The following PDE11A variants were observed in gnomAD, a reference collection of about 807,000 sequenced individuals.
The protein encoded by PDE11A is phosphodiesterase 11A.
In PDE11A, 100 loss-of-function variants were observed where a neutral mutation model predicts 100.5. That is an observed-to-expected ratio of 1.00 (90% confidence interval 0.85 to 1.18). The LOEUF (loss-of-function observed/expected upper bound fraction) is 1.18, where lower values mean the gene tolerates loss of function less well. PDE11A is among the 50% of genes most tolerant of loss of function. PDE11A has a pLI of 0.00. For synonymous variants in PDE11A, 381 were observed against 420.8 expected (o/e 0.91, Z 1.16); for missense variants, 1,141 against 1,152.6 (o/e 0.99, Z 0.15).
In PDE11A at chr2:177,864,830, G is replaced by T. The variant is rs16865855; in HGVS notation, c.1367+11029C>A. On this transcript the variant is annotated intron_variant, in intron 5 of 19. Transcript: ENST00000286063. Reference sequence around the variant, plus strand: ...TGCTTGTTTTGTACACACGAGGGATGCCATAAACAAAATGAGTTCCCTTTT... The same window carrying T: ...TGCTTGTTTTGTACACACGAGGGATTCCATAAACAAAATGAGTTCCCTTTT... Among the ~76,000 whole-genome samples the T allele has an allele frequency of 7.6e-4, 116 of 152,268 alleles. 3 individuals are homozygous for T. In the East Asian group the frequency reaches 0.018, roughly 23 times the overall value.
chr2:177,887,519 T>G (rs930452404), intron 4 of PDE11A, among the ~76,000 whole-genome samples: 1 of 152,098 alleles, frequency 6.6e-6, no homozygotes, highest in Non-Finnish European at 1.5e-5. Flanking sequence ...ATCCCAACAC[T>G]TTGGGAGGCC....
intron 2 of PDE11A, among the ~76,000 whole-genome samples, chr2:177,941,527 T>C (rs1259869331): frequency 1.3e-5 from 2 of 152,090 alleles, no homozygotes; most frequent in Non-Finnish European, 2.9e-5. Flanking sequence ...CCTGACAGGG[T>C]AATTTAAAAA....
chr2:177,870,535 T>C (rs2084112932), intron 5 of PDE11A, among the ~76,000 whole-genome samples: 2 of 152,190 alleles, frequency 1.3e-5, no homozygotes, highest in Admixed American at 1.3e-4. Context: ...ACATGTTAAG[T>C]GTGAGAAAAA....
chr2:177,648,201 T>C (rs1267671184), intron 19 of PDE11A, among the ~76,000 whole-genome samples: 1 of 152,170 alleles, frequency 6.6e-6, no homozygotes, highest in Non-Finnish European at 1.5e-5. Context: ...GAGGATATTG[T>C]ATCATTAGCT....
chr2:177,762,350 T>C (rs1327696661), intron 10 of PDE11A, among the ~76,000 whole-genome samples: 1 of 152,192 alleles, frequency 6.6e-6, no homozygotes, highest in Non-Finnish European at 1.5e-5. Flanking sequence ...GTGTTCTTCA[T>C]TTCCTGGCGT....
chr2:177,827,417 C>T (rs2083242846), intron 6 of PDE11A, among the ~76,000 whole-genome samples: 1 of 152,190 alleles, frequency 6.6e-6, no homozygotes, highest in Admixed American at 6.5e-5. Flanking sequence ...AAGGCCTGCC[C>T]TACTTTTTAG....
chr2:178,055,228 T>C (rs1347468774), intron 1 of PDE11A, among the ~76,000 whole-genome samples: 2 of 151,998 alleles, frequency 1.3e-5, no homozygotes, highest in Non-Finnish European at 2.9e-5. Context: ...ACCATCATTG[T>C]GAGCAAACTA....
chr2:177,717,296 G>T (rs2081453280), intron 12 of PDE11A, among the ~76,000 whole-genome samples: 1 of 151,778 alleles, frequency 6.6e-6, no homozygotes, highest in Non-Finnish European at 1.5e-5. Flanking sequence ...GTGTCCTTTT[G>T]CCCCTCCCCC....
chr2:177,888,512 T>C (rs1045301700), intron 4 of PDE11A: 2 of 153,296 alleles, frequency 1.3e-5, no homozygotes, highest in Non-Finnish European at 2.9e-5. Context: ...AATGCCATTA[T>C]AGCTAAAGGT....
At chr2:177,721,026 G>C (rs528723982) in intron 12 of PDE11A, among the ~76,000 whole-genome samples, 1 of 152,166 alleles carries the variant, frequency 6.6e-6, no homozygotes, top group East Asian at 1.9e-4. Flanking sequence ...GTAGATGTTT[G>C]ATGCATACAT....
At chr2:178,005,184 G>A (rs1230937704) in intron 2 of PDE11A, among the ~76,000 whole-genome samples, 1 of 151,668 alleles carries the variant, frequency 6.6e-6, no homozygotes, top group Non-Finnish European at 1.5e-5. Flanking sequence ...TTCTGTTGAA[G>A]AGTCAGTCAC....
intron 9 of PDE11A, among the ~76,000 whole-genome samples, chr2:177,787,418 C>T (rs1295032664): frequency 2.0e-5 from 3 of 151,602 alleles, no homozygotes; most frequent in African/African-American, 7.3e-5. Flanking sequence ...CAACTGGTAC[C>T]AGCCGCTGCA....
chr2:177,801,314 G>A (rs973568618), intron 9 of PDE11A, among the ~76,000 whole-genome samples: 2 of 152,066 alleles, frequency 1.3e-5, no homozygotes, highest in East Asian at 3.8e-4. Context: ...TCTACTGCCT[G>A]TCTTACTAGA....
intron 2 of PDE11A, among the ~76,000 whole-genome samples, chr2:177,979,642 A>C: frequency 1.7e-5 from 2 of 115,096 alleles, no homozygotes; most frequent in African/African-American, 3.7e-5. Flanking sequence ...ACAGAGTCTC[A>C]CTCTGTCGCC....
chr2:177,956,433 G>A (rs967895457), intron 2 of PDE11A, among the ~76,000 whole-genome samples: 41 of 152,340 alleles, frequency 2.7e-4, no homozygotes, highest in African/African-American at 9.9e-4. Context: ...AGGATGTGGA[G>A]AAATAGGAAC....
intron 1 of PDE11A, among the ~76,000 whole-genome samples, chr2:178,024,384 C>A (rs1361775119): frequency 6.6e-6 from 1 of 152,056 alleles, no homozygotes; most frequent in Non-Finnish European, 1.5e-5. Flanking sequence ...TACTCTCCAG[C>A]CTGGGCAACA....
intron 9 of PDE11A, among the ~76,000 whole-genome samples, chr2:177,779,316 C>A (rs1024524919): frequency 6.6e-6 from 1 of 152,124 alleles, no homozygotes; most frequent in African/African-American, 2.4e-5. Context: ...TAGATCAGTG[C>A]GGTGGTTGCT....
chr2:177,961,440 CT>C (rs2085631312), intron 2 of PDE11A, among the ~76,000 whole-genome samples: 1 of 152,014 alleles, frequency 6.6e-6, no homozygotes, highest in South Asian at 2.1e-4. Context: ...TATGACATTT[CT>C]TTCATCCGTC....
intron 2 of PDE11A, among the ~76,000 whole-genome samples, chr2:178,008,237 A>T (rs1165957297): frequency 6.6e-6 from 1 of 152,184 alleles, no homozygotes; most frequent in Non-Finnish European, 1.5e-5. Context: ...AATATTTTTT[A>T]AAAATATTCA....
Sources: gnomAD v4.1 joint callset for allele counts (sites outside exome capture counted in the v4.1 genomes callset) on GRCh38, gnomAD v4.1.1 for gene constraint, MANE v1.5 for transcripts, NCBI Gene and HGNC (gene_info 2026-07-23, HGNC 2026-07-21) for gene names.